Variants in HCN4 observed in about 807,000 individuals in gnomAD.
HCN4 encodes hyperpolarization activated cyclic nucleotide gated potassium channel 4.
A neutral mutation model predicts 76.9 loss-of-function variants in HCN4; 29 were observed. The ratio of observed to expected loss-of-function variants is 0.38; its 90% CI spans 0.28 to 0.51. The LOEUF (loss-of-function observed/expected upper bound fraction) is 0.51. HCN4 is among the 20% of genes least tolerant of loss of function. The pLI is 0.90. For synonymous variants in HCN4, 772 were observed against 762.5 expected, an observed-to-expected ratio of 1.01 and a Z score of -0.21; for missense variants, 1,416 against 1,715.2, an observed-to-expected ratio of 0.83 and a Z score of 3.08.
Position 73,321,620 on chromosome 15 carries a change from G to A in HCN4, c.*861C>T, listed in dbSNP as rs1397009044. The A allele has an allele frequency of 6.5e-6, 1 of 152,738 alleles. No individual in the cohort carries two copies. Among genetic ancestry groups the A allele is most frequent in the Non-Finnish European group, 1.5e-5 (1 of 68,118 alleles). The allele number at this position is 152,738 out of a possible 1,614,324, so 9.5% of individuals were successfully genotyped here. ...GGTGTGTGCTTGAGGCCCTAGGAAA[G>A]GGGAGTCTTCCACTTCCGTGTGGTG... On this transcript the variant is annotated 3_prime_UTR_variant, in exon 8 of 8. Transcript: ENST00000261917.
At chr15:73,359,388 G>A (rs1473437582) in intron 1 of HCN4, among the ~76,000 whole-genome samples, 1 of 152,298 alleles carries the variant, frequency 6.6e-6, no homozygotes, top group East Asian at 1.9e-4. Flanking sequence ...TGGCTCTGGC[G>A]TCGGCAGTGG....
At position 73,323,196 on chromosome 15, in the gene HCN4, CT is replaced by C. The variant is rs765167902; in HGVS notation, c.2896del (p.Arg966AspfsTer19). 3 of 1,542,614 alleles carry C rather than the reference CT, an allele frequency of 1.9e-6. No individual in the cohort carries two copies. In the African/African-American group the frequency reaches 4.1e-5, roughly 21 times the overall value. On this transcript the variant is annotated frameshift_variant, in exon 8 of 8. Coordinates refer to ENST00000261917, the MANE Select transcript of HCN4 (RefSeq NM_005477.3). LOFTEE classifies it high-confidence loss of function. ...CTGCCCGGGGCTAGATGACGGGGAT[CT>C]GGATGAGGGTGGGGGTGGCAGGAAG... ...EHFLPPPPSS[R>X]SPSSSPGQLG...
intron 2 of HCN4, chr15:73,341,001 T>C (rs2042998148): frequency 6.6e-6 from 1 of 151,970 alleles, no homozygotes; most frequent in Non-Finnish European, 1.5e-5. Context: ...CTTGCCCTGT[T>C]TCTCTTGACA....
chr15:73,363,379 C>A (rs1264971058), intron 1 of HCN4, among the ~76,000 whole-genome samples: 1 of 152,234 alleles, frequency 6.6e-6, no homozygotes, highest in Non-Finnish European at 1.5e-5. Context: ...AGGCATCTAA[C>A]TCTGAGCCCT....
In HCN4 at chr15:73,323,349, C is replaced by T. The variant is rs1306789664; in HGVS notation, c.2744G>A (p.Gly915Asp). ...AGAGTCGGAGGAGGACAGGGAGCCA[C>T]CCAGCGCCTTGTGGAAGTGGCCAAA... ...AGFGHFHKALGGSLSSSDSPL... is the reference protein window; with the variant it reads ...AGFGHFHKALDGSLSSSDSPL... The change falls in exon 8 of 8, where the codon GGT (glycine) becomes GAT (aspartate). Residue 915 changes from glycine (G) to aspartate (D), a missense_variant. Physicochemically the swap from Gly to Asp is moderately conservative, Grantham distance 94. This residue lies in a region of HCN4 where 633 missense variants were observed against 579.8 expected (regional missense o/e 1.09). Coordinates refer to ENST00000261917, the MANE Select transcript of HCN4 (RefSeq NM_005477.3). 1 of 1,571,810 alleles carries T rather than the reference C, an allele frequency of 6.4e-7. No individual in the cohort carries two copies.
intron 1 of HCN4, among the ~76,000 whole-genome samples, chr15:73,346,359 C>A (rs1319461630): frequency 6.6e-6 from 1 of 152,202 alleles, no homozygotes; most frequent in South Asian, 2.1e-4. Flanking sequence ...AGGAGGAAAT[C>A]AATTGATTTC....
At position 73,367,346 on chromosome 15, in the gene HCN4, C is replaced by T. The variant is rs2043132949; in HGVS notation, c.785+140G>A. ...TGCAGGAGGGGGCCTGGGGGTGTCT[C>T]GGAGCCTAGAGGCGCCCTGCCTCTC... On this transcript the variant is annotated intron_variant, in intron 1 of 7. Coordinates refer to ENST00000261917, the MANE Select transcript of HCN4 (RefSeq NM_005477.3). This position sits in a 1 kb window ranked among gnomAD's most constrained non-coding sequence, Gnocchi z 7.5. The T allele has an allele frequency of 2.2e-6, 3 of 1,347,876 alleles. No homozygotes were observed. Among genetic ancestry groups the T allele is most frequent in the Non-Finnish European group, 3.0e-6 (3 of 991,218 alleles). 83.5% of individuals were successfully genotyped at this position (1,347,876 alleles called of 1,614,324 possible). A position where few individuals can be genotyped will look rare whatever the true frequency, so the allele number is the denominator to read the frequency against.
intron 2 of HCN4, among the ~76,000 whole-genome samples, chr15:73,334,838 AG>A (rs1431485023): frequency 6.6e-6 from 1 of 152,150 alleles, no homozygotes; most frequent in African/African-American, 2.4e-5. Flanking sequence ...CCCAGCTGCT[AG>A]GGACTGCACC....
chr15:73,322,612 A>G lies in HCN4; in HGVS notation c.3481T>C (p.Leu1161=). 6.2e-7 allele frequency: 1 copy of G among 1,611,922 alleles called. No homozygotes were observed. The highest frequency in any genetic ancestry group is 8.5e-7 in the Non-Finnish European group (1 of 1,179,378). Residue 1161 remains leucine (L), a synonymous_variant, in exon 8 of 8, where the codon TTG becomes CTG. Transcript: ENST00000261917. Reference sequence around the variant, plus strand: ...CCAAACAAAGACAGAGGGGGTGGCAAAGAACCTGAGGATGTCTTCCGAGGC... The same window carrying G: ...CCAAACAAAGACAGAGGGGGTGGCAGAGAACCTGAGGATGTCTTCCGAGGC... ...TLPRKTSSGS[L]PPPLSLFGAR... is the part of the protein sequence containing the mutation.
chr15:73,327,391 G>A (rs492448), intron 4 of HCN4, among the ~76,000 whole-genome samples: 13,310 of 152,046 alleles, frequency 0.088, 841 homozygotes, highest in African/African-American at 0.17. Flanking sequence ...GATTACAGGC[G>A]TGAGCCACAG....
At chr15:73,348,823 C>T (rs561544404) in intron 1 of HCN4, among the ~76,000 whole-genome samples, 93 of 152,318 alleles carry the variant, frequency 6.1e-4, no homozygotes, top group Non-Finnish European at 9.8e-4. Context: ...ACTTTGCAGA[C>T]AGCTCCCACT....
chr15:73,343,243 T>G lies in HCN4; in HGVS notation c.1209+142A>C. ...CAGCACATGATAAGAGGTCAAGAAC[T>G]TACTAGTATTTGTCCTCTTGGAGCA... On this transcript the variant is annotated intron_variant, in intron 2 of 7. Coordinates refer to ENST00000261917, the MANE Select transcript of HCN4 (RefSeq NM_005477.3). The surrounding 1 kb of genome is among the most constrained non-coding windows in gnomAD (Gnocchi z 5.7). The G allele has an allele frequency of 1.3e-6, 1 of 757,638 alleles. No individual in the cohort carries two copies. Among genetic ancestry groups the G allele is most frequent in the Non-Finnish European group, 2.3e-6 (1 of 443,208 alleles). The allele number at this position is 757,638 out of a possible 1,614,324, so 46.9% of individuals were successfully genotyped here.
chr15:73,322,464 G>A lies in HCN4; in HGVS notation c.*17C>T. On this transcript the variant is annotated 3_prime_UTR_variant, in exon 8 of 8. Coordinates refer to ENST00000261917, the MANE Select transcript of HCN4 (RefSeq NM_005477.3). Reference sequence around the variant, plus strand: ...AGGGAGAGAAAAGAAGAAAGAAGAGGGAAGGAAGGGCCCAGCTCATAGATT... The same window carrying A: ...AGGGAGAGAAAAGAAGAAAGAAGAGAGAAGGAAGGGCCCAGCTCATAGATT... 1 of 1,561,848 alleles carries A rather than the reference G, an allele frequency of 6.4e-7. No individual in the cohort carries two copies. The highest frequency in any genetic ancestry group is 1.2e-5 in the South Asian group (1 of 85,562).
At chr15:73,353,451 A>C (rs925489752) in intron 1 of HCN4, among the ~76,000 whole-genome samples, 1 of 152,222 alleles carries the variant, frequency 6.6e-6, no homozygotes, top group Admixed American at 6.5e-5. Flanking sequence ...GGTTGTCTGA[A>C]GAGCAGGTGT....
intron 4 of HCN4, among the ~76,000 whole-genome samples, chr15:73,327,107 T>C (rs2151216204): frequency 6.7e-6 from 1 of 148,976 alleles, no homozygotes; most frequent in East Asian, 2.0e-4. Flanking sequence ...TTTTTCTTTT[T>C]CTTTTTTTTT....
rs372747050 is a variant in HCN4, at chr15:73,323,555, C to A, written c.2538G>T (p.Pro846=). The change falls in exon 8 of 8, where the codon CCG becomes CCT. Residue 846 remains proline (P), a synonymous_variant. Coordinates refer to ENST00000261917, the MANE Select transcript of HCN4 (RefSeq NM_005477.3). ...ALGSASPASS[P]SQVDTPSSSS... is the part of the protein sequence containing the mutation. ...ATGAAGACGGTGTGTCCACCTGGGACGGGCTGCTGGCGGGCGAGGCGGAGC... is the reference window on the plus strand; with the variant it reads ...ATGAAGACGGTGTGTCCACCTGGGAAGGGCTGCTGGCGGGCGAGGCGGAGC... 3 of 1,600,760 alleles carry A rather than the reference C, an allele frequency of 1.9e-6. No individual in the cohort carries two copies. Among genetic ancestry groups the A allele is most frequent in the African/African-American group, 2.7e-5 (2 of 74,912 alleles).
chr15:73,342,837 A>G (rs1030446129), intron 2 of HCN4, among the ~76,000 whole-genome samples: 1 of 152,204 alleles, frequency 6.6e-6, no homozygotes, highest in Non-Finnish European at 1.5e-5. Flanking sequence ...CCCTGGGCCC[A>G]TTCCCACTTG....
rs62015502 is a variant in HCN4 at position 73,324,403 on chromosome 15, C to T, written c.1979-150G>A. On this transcript the variant is annotated intron_variant, in intron 6 of 7. Coordinates refer to ENST00000261917, the MANE Select transcript of HCN4 (RefSeq NM_005477.3). ...CCCAGACTGCGGCCACACTGGATGC[C>T]TCTTCCCCACCAAATGGGGGCTGGA... 0.36 allele frequency: 275,009 copies of T among 769,868 alleles called. 53,435 individuals are homozygous for T. The highest frequency in any genetic ancestry group is 0.46 in the Admixed American group (21,355 of 46,514). The allele number at this position is 769,868 out of a possible 1,614,324, so 47.7% of individuals were successfully genotyped here. A position where few individuals can be genotyped will look rare whatever the true frequency, so the allele number is the denominator to read the frequency against.
chr15:73,368,572 G>C lies in HCN4; in HGVS notation c.-302C>G, dbSNP rs1595837918. On this transcript the variant is annotated 5_prime_UTR_variant, in exon 1 of 8. Transcript: ENST00000261917. The surrounding 1 kb of genome is among the most constrained non-coding windows in gnomAD (Gnocchi z 6.9). Reference sequence around the variant, plus strand: ...GTTCAGGGGCGCGGCGCGCCGCCCGGCTCCAGGCGCCCCGCCCCCGCGGGG... The same window carrying C: ...GTTCAGGGGCGCGGCGCGCCGCCCGCCTCCAGGCGCCCCGCCCCCGCGGGG... The C allele has an allele frequency of 9.2e-6, 2 of 218,326 alleles. No individual in the cohort carries two copies. The highest frequency in any genetic ancestry group is 1.9e-4 in the East Asian group (2 of 10,806). The allele number at this position is 218,326 out of a possible 1,614,324, so 13.5% of individuals were successfully genotyped here.
Sources: allele counts gnomAD v4.1 joint callset (sites outside exome capture counted in the v4.1 genomes callset), GRCh38; gene constraint gnomAD v4.1.1; regional missense constraint gnomAD v4.1.1; non-coding constraint Gnocchi (gnomAD v3.1); transcripts MANE v1.5; gene names NCBI Gene and HGNC (gene_info 2026-07-23, HGNC 2026-07-21).